Variants in LAMB4 observed in about 807,000 individuals in gnomAD.
LAMB4 encodes laminin subunit beta 4, also known as laminin subunit beta-4.
In LAMB4, 196 loss-of-function variants were observed where a neutral mutation model predicts 199.2. That is an observed-to-expected ratio of 0.98 (90% CI 0.88 to 1.11). The LOEUF is 1.11. LAMB4 is among the 50% of genes least tolerant of loss of function. The pLI is 0.00. For missense variants in LAMB4, 2,080 were observed against 2,171.2 expected (o/e 0.96, Z 0.83); for synonymous variants, 744 against 770.6 (o/e 0.97, Z 0.57).
intron 33 of LAMB4, 127 bp from the exon 34 acceptor site, chr7:108,024,305 A>C: frequency 2.1e-6 from 1 of 487,574 alleles, no homozygotes; most frequent in Non-Finnish European, 3.4e-6. Context: ...GTTTGGATTC[A>C]ATGGATAAAT....
chr7:108,087,442 T>TA (rs1259314644), intron 14 of LAMB4, among the ~76,000 whole-genome samples: 14 of 152,150 alleles, frequency 9.2e-5, no homozygotes, highest in Non-Finnish European at 1.5e-4. Flanking sequence ...GAAGGCTCAG[T>TA]AAAAAATCTC....
Position 108,094,539 on chromosome 7 carries a change from C to T in LAMB4, c.1470+689G>A, listed in dbSNP as rs577810478. On this transcript the variant is annotated intron_variant, in intron 12 of 33. Coordinates refer to ENST00000388781, the MANE Select transcript of LAMB4 (RefSeq NM_007356.3). ...ATCAGCTACATTTCTTCAGACACAT[C>T]GAGGTCACTGTTCTTTTATTAGGTT... Among the ~76,000 whole-genome samples, 6 of 150,900 alleles carry T rather than the reference C, an allele frequency of 4.0e-5. No homozygotes were observed. In the South Asian group the frequency reaches 6.3e-4, roughly 16 times the overall value.
chr7:108,047,475 TTC>T (rs2035667269), intron 28 of LAMB4, among the ~76,000 whole-genome samples: 1 of 152,202 alleles, frequency 6.6e-6, no homozygotes, highest in Non-Finnish European at 1.5e-5. Flanking sequence ...TCTGATAATA[TTC>T]TCTTTTTTCT....
chr7:108,061,173 G>A (rs367584959), intron 23 of LAMB4, among the ~76,000 whole-genome samples: 2 of 152,052 alleles, frequency 1.3e-5, no homozygotes, highest in African/African-American at 2.4e-5. Flanking sequence ...AGAAACTGTC[G>A]CAGCCAAGAG....
chr7:108,079,826 C>A, intron 14 of LAMB4, 40 bp from the exon 15 acceptor site: 2 of 1,490,220 alleles, frequency 1.3e-6, no homozygotes, highest in South Asian at 2.8e-5. Context: ...TGCCTACAGT[C>A]AAGGCCTGAA....
chr7:108,053,482 T>C (rs2150529294), intron 25 of LAMB4, among the ~76,000 whole-genome samples: 1 of 152,142 alleles, frequency 6.6e-6, no homozygotes, highest in East Asian at 1.9e-4. Flanking sequence ...CAAAGGAGCA[T>C]AAAGAGGTGA....
At chr7:108,112,906 G>A (rs2038282347) in intron 3 of LAMB4, among the ~76,000 whole-genome samples, 1 of 152,154 alleles carries the variant, frequency 6.6e-6, no homozygotes, top group African/African-American at 2.4e-5. Context: ...GGCTCACAAG[G>A]CCCAACATGA....
chr7:108,081,264 T>C (rs988861328), intron 14 of LAMB4, among the ~76,000 whole-genome samples: 5 of 152,148 alleles, frequency 3.3e-5, no homozygotes, highest in African/African-American at 1.2e-4. Context: ...CTCTGGAGGA[T>C]TGCTCTTTCA....
intron 33 of LAMB4, among the ~76,000 whole-genome samples, chr7:108,028,027 A>G (rs2034897384): frequency 6.6e-6 from 1 of 152,100 alleles, no homozygotes; most frequent in Non-Finnish European, 1.5e-5. Flanking sequence ...CAAGCAGTCC[A>G]TCTGCCTCAG....
In LAMB4 at chr7:108,060,394, A is replaced by C. The variant is rs2036121396; in HGVS notation, c.3282+2380T>G. Among the ~76,000 whole-genome samples the C allele has an allele frequency of 1.3e-5, 2 of 152,132 alleles. 1 individual carries two copies. The highest frequency in any genetic ancestry group is 4.2e-4 in the South Asian group (2 of 4,818). ...TGGTCACGTGGAGATCTACCACTTT[A>C]TTCCATGGTTGGTGGCTGCAGGTGT... On this transcript the variant is annotated intron_variant, in intron 23 of 33. Transcript: ENST00000388781.
At chr7:108,038,133 G>A (rs1375074816) in intron 29 of LAMB4, among the ~76,000 whole-genome samples, 1 of 152,004 alleles carries the variant, frequency 6.6e-6, no homozygotes, top group African/African-American at 2.4e-5. Context: ...ACAGAGTAAA[G>A]GAACATGTTA....
chr7:108,047,987 G>A lies in LAMB4; in HGVS notation c.4247C>T (p.Thr1416Met), dbSNP rs775934990. 14 of 1,614,004 alleles carry A rather than the reference G, an allele frequency of 8.7e-6. No homozygotes were observed. In the East Asian group the frequency reaches 8.9e-5, roughly 10 times the overall value. Residue 1416 changes from threonine (T) to methionine (M), a missense_variant, in exon 28 of 34, where the codon ACG becomes ATG. Coordinates refer to ENST00000388781, the MANE Select transcript of LAMB4 (RefSeq NM_007356.3). Reference protein sequence around the residue: ...PGCHGSLTLSTNALQKAQEAK... With the variant: ...PGCHGSLTLSMNALQKAQEAK... ...TTCCTGGGCTTTTTGGAGGGCATTC[G>A]TTGAGAGGGTCAGGGAGCCGTGACA...
intron 31 of LAMB4, among the ~76,000 whole-genome samples, chr7:108,032,461 G>A (rs1412346481): frequency 6.6e-6 from 1 of 152,032 alleles, no homozygotes; most frequent in Non-Finnish European, 1.5e-5. Context: ...ATTCTTGATG[G>A]CTAGGTTTTA....
intron 10 of LAMB4, among the ~76,000 whole-genome samples, chr7:108,099,746 A>G (rs1308786611): frequency 6.6e-6 from 1 of 152,248 alleles, no homozygotes; most frequent in African/African-American, 2.4e-5. Flanking sequence ...TGTCAAGTCT[A>G]AAACCATGTC....
At chr7:108,047,269 T>C (rs1472083731) in intron 28 of LAMB4, among the ~76,000 whole-genome samples, 1 of 152,024 alleles carries the variant, frequency 6.6e-6, no homozygotes, top group Non-Finnish European at 1.5e-5. Flanking sequence ...TTTTTTTCAA[T>C]AAAACTTACA....
At chr7:108,088,180 T>TG (rs1318751972) in intron 14 of LAMB4, among the ~76,000 whole-genome samples, 1 of 141,544 alleles carries the variant, frequency 7.1e-6, no homozygotes. Context: ...TTTTTTTTTT[T>TG]GGGAGAGAGT....
At chr7:108,051,518 G>A (rs1211449255) in intron 26 of LAMB4, among the ~76,000 whole-genome samples, 2 of 152,138 alleles carry the variant, frequency 1.3e-5, no homozygotes, top group Non-Finnish European at 2.9e-5. Context: ...AATAGGAGAT[G>A]AACTAATCAA....
chr7:108,031,129 T>A, intron 31 of LAMB4, 150 bp from the exon 32 acceptor site: 1 of 576,088 alleles, frequency 1.7e-6, no homozygotes, highest in Non-Finnish European at 2.9e-6. Context: ...TTTAAAATAT[T>A]ATAATAAAAT....
In LAMB4 at chr7:108,066,567, G is replaced by A. The variant is rs1473688205; in HGVS notation, c.2480C>T (p.Thr827Ile). The A allele has an allele frequency of 6.2e-7, 1 of 1,612,604 alleles. No homozygotes were observed. Among genetic ancestry groups the A allele is most frequent in the Non-Finnish European group, 8.5e-7 (1 of 1,179,400 alleles). ...CTGTCCTGTTACTTGGTCACATACA[G>A]TGTCCTTTGATCCTTGAGGATGGCA... Reference protein sequence around the residue: ...CHCHPQGSKDTVCDQVTGQCP... With the variant: ...CHCHPQGSKDIVCDQVTGQCP... The change falls in exon 20 of 34, where the codon ACT becomes ATT. Residue 827 changes from threonine (T) to isoleucine (I), a missense_variant. Thr to Ile is a moderately conservative substitution (Grantham distance 89, BLOSUM62 -1). Coordinates refer to ENST00000388781, the MANE Select transcript of LAMB4 (RefSeq NM_007356.3).
Sources: allele counts gnomAD v4.1 joint callset (sites outside exome capture counted in the v4.1 genomes callset), GRCh38; gene constraint gnomAD v4.1.1; transcripts MANE v1.5; gene names NCBI Gene and HGNC (gene_info 2026-07-23, HGNC 2026-07-21).